PLEKHA1: variants seen among roughly 807,000 people sequenced by gnomAD.
PLEKHA1 encodes pleckstrin homology domain-containing family A member 1.
A neutral mutation model predicts 52.0 loss-of-function variants in PLEKHA1; 34 were observed. The observed-to-expected ratio is 0.65, with a 90% CI of 0.50 to 0.87. The LOEUF is 0.87. Among genes scored for constraint, PLEKHA1 ranks in the 40% least tolerant of loss-of-function variants. The pLI is 0.00. For missense variants in PLEKHA1, 497 were observed against 504.2 expected, an observed-to-expected ratio of 0.99 and a Z score of 0.14; for synonymous variants, 163 against 170.7, an observed-to-expected ratio of 0.95 and a Z score of 0.35.
downstream of PLEKHA1, chr10:122,433,948 ATTTTT>A (rs1295880338): frequency 6.6e-6 from 1 of 151,968 alleles, no homozygotes; most frequent in Non-Finnish European, 1.5e-5. Context: ...TGTCCTACCT[ATTTTT>A]CTGAAATATT....
intron 8 of PLEKHA1, chr10:122,420,181 G>A (rs911969669): frequency 4.6e-4 from 70 of 152,140 alleles, no homozygotes; most frequent in African/African-American, 1.6e-3. Context: ...TATGGACATT[G>A]GTGGCTCCAA....
chr10:122,383,313 G>GTTTTT (rs58485855), intron 1 of PLEKHA1, among the ~76,000 whole-genome samples: 10 of 128,384 alleles, frequency 7.8e-5, no homozygotes, highest in Non-Finnish European at 9.8e-5. Context: ...CTTTCTTTCT[G>GTTTTT]TTTTTTTTTT....
chr10:122,402,295 G>C (rs960026898), intron 4 of PLEKHA1, among the ~76,000 whole-genome samples: 4 of 152,180 alleles, frequency 2.6e-5, no homozygotes, highest in African/African-American at 9.6e-5. Flanking sequence ...GTCCTCTACT[G>C]TTAGTGGGAG....
chr10:122,421,768 A>C (rs1383991486), intron 8 of PLEKHA1: 1 of 152,242 alleles, frequency 6.6e-6, no homozygotes, highest in Non-Finnish European at 1.5e-5. Flanking sequence ...ACTGATAATT[A>C]GAGAAATGCA....
chr10:122,424,672 A>C (rs1475290911), intron 9 of PLEKHA1, among the ~76,000 whole-genome samples: 1 of 152,222 alleles, frequency 6.6e-6, no homozygotes. Flanking sequence ...TGATTACTAA[A>C]AACTCTGAAC....
chr10:122,381,553 C>G (rs2096615210), intron 1 of PLEKHA1, among the ~76,000 whole-genome samples: 1 of 152,130 alleles, frequency 6.6e-6, no homozygotes, highest in South Asian at 2.1e-4. Context: ...TAACTCCTCC[C>G]TCTTTGCCTT....
chr10:122,376,802 G>C (rs1417195765), intron 1 of PLEKHA1, among the ~76,000 whole-genome samples: 1 of 152,168 alleles, frequency 6.6e-6, no homozygotes, highest in Non-Finnish European at 1.5e-5. Flanking sequence ...GACCTTTTTA[G>C]AAGTGTTTAA....
At chr10:122,402,557 A>G (rs912724978) in intron 4 of PLEKHA1, among the ~76,000 whole-genome samples, 1 of 152,180 alleles carries the variant, frequency 6.6e-6, no homozygotes, top group Non-Finnish European at 1.5e-5. Flanking sequence ...AAAGCTAACC[A>G]TTTAAGTGTT....
chr10:122,379,353 G>T (rs2096583132), intron 1 of PLEKHA1, among the ~76,000 whole-genome samples: 1 of 152,208 alleles, frequency 6.6e-6, no homozygotes, highest in South Asian at 2.1e-4. Context: ...GTGGCATACA[G>T]ACTACTTAAG....
In PLEKHA1 at chr10:122,378,563, T is replaced by A. The variant is rs73366068; in HGVS notation, c.-21+3757T>A. On this transcript the variant is annotated intron_variant, in intron 1 of 11. Coordinates refer to ENST00000368990, the MANE Select transcript of PLEKHA1 (RefSeq NM_001001974.4). Reference sequence around the variant, plus strand: ...CCAGCCTGGGCAACATGACGAAACCTTGTCTCTACAGAAAATAGAAAAATC... The same window carrying A: ...CCAGCCTGGGCAACATGACGAAACCATGTCTCTACAGAAAATAGAAAAATC... 7.5e-3 allele frequency among the ~76,000 whole-genome samples: 1,136 copies of A among 151,912 alleles called. 11 individuals are homozygous for A. Among genetic ancestry groups the A allele is most frequent in the African/African-American group, 0.026 (1,073 of 41,446 alleles).
At position 122,406,619 on chromosome 10, in the gene PLEKHA1, TCAG is replaced by T; in HGVS notation, c.292_294del (p.Gln98del). 6.2e-7 allele frequency: 1 copy of T among 1,613,490 alleles called. No individual in the cohort carries two copies. Among genetic ancestry groups the T allele is most frequent in the Non-Finnish European group, 8.5e-7 (1 of 1,179,500 alleles). On this transcript the variant is annotated inframe_deletion, in exon 5 of 12. Transcript: ENST00000368990. Reference sequence around the variant, plus strand: ...GGAAGTACTTCCTACAAGCCAATGATCAGCAGGACCTAGTGGAATGGGTAAATG... The same window carrying T: ...GGAAGTACTTCCTACAAGCCAATGATCAGGACCTAGTGGAATGGGTAAATG...
chr10:122,383,771 G>GT (rs1199618961), intron 1 of PLEKHA1, among the ~76,000 whole-genome samples: 1 of 152,090 alleles, frequency 6.6e-6, no homozygotes, highest in Non-Finnish European at 1.5e-5. Context: ...CCGATTTTAA[G>GT]TATGTCAGTG....
intron 1 of PLEKHA1, chr10:122,392,239 T>A (rs906662455): frequency 6.6e-6 from 1 of 152,182 alleles, no homozygotes; most frequent in Admixed American, 6.5e-5. Context: ...TCTCTCTTTT[T>A]CTTTTTTTTC....
intron 1 of PLEKHA1, among the ~76,000 whole-genome samples, chr10:122,385,173 C>G (rs899437841): frequency 6.6e-6 from 1 of 151,918 alleles, no homozygotes; most frequent in Non-Finnish European, 1.5e-5. Flanking sequence ...GATCTGCATT[C>G]CATCCCTATA....
intron 1 of PLEKHA1, among the ~76,000 whole-genome samples, chr10:122,392,855 T>A (rs2096795764): frequency 6.6e-6 from 1 of 152,200 alleles, no homozygotes; most frequent in South Asian, 2.1e-4. Flanking sequence ...ATTATCTTGA[T>A]TTGTGAGGAA....
chr10:122,376,860 T>G (rs924913079), intron 1 of PLEKHA1, among the ~76,000 whole-genome samples: 1 of 152,220 alleles, frequency 6.6e-6, no homozygotes, highest in Non-Finnish European at 1.5e-5. Flanking sequence ...GTCATTCAAG[T>G]ATCGTTTGCT....
At position 122,416,007 on chromosome 10, in the gene PLEKHA1, G is replaced by C; in HGVS notation, c.612+5G>C. 2 of 1,596,156 alleles carry C rather than the reference G, an allele frequency of 1.3e-6. No individual in the cohort carries two copies. Among genetic ancestry groups the C allele is most frequent in the Non-Finnish European group, 1.7e-6 (2 of 1,172,832 alleles). On this transcript the variant is annotated splice_donor_5th_base_variant and intron_variant, in intron 7 of 11. Transcript: ENST00000368990. ...TGTGTAAAACAAGGAGCAGTGGTGAGTAGCTTAACAAAATACATGAAATAA... is the reference window on the plus strand; with the variant it reads ...TGTGTAAAACAAGGAGCAGTGGTGACTAGCTTAACAAAATACATGAAATAA...
intron 1 of PLEKHA1, among the ~76,000 whole-genome samples, chr10:122,376,631 G>C (rs1163142688): frequency 6.6e-6 from 1 of 151,912 alleles, no homozygotes; most frequent in African/African-American, 2.4e-5. Context: ...TGGGAGGGGG[G>C]AAAGTAGCAG....
intron 5 of PLEKHA1, among the ~76,000 whole-genome samples, chr10:122,409,103 A>G (rs1353495628): frequency 3.3e-5 from 5 of 152,144 alleles, no homozygotes; most frequent in Admixed American, 3.3e-4. Flanking sequence ...CTCTAACGCT[A>G]TAGTCTGTGA....
Sources: gnomAD v4.1 joint callset for allele counts (sites outside exome capture counted in the v4.1 genomes callset) on GRCh38, gnomAD v4.1.1 for gene constraint, MANE v1.5 for transcripts, NCBI Gene and HGNC (gene_info 2026-07-23, HGNC 2026-07-21) for gene names.